Variants in SLC2A9 observed in about 807,000 individuals in gnomAD.
SLC2A9 encodes the protein solute carrier family 2 member 9, also known as solute carrier family 2, facilitated glucose transporter member 9.
In SLC2A9, 39 loss-of-function variants were observed where a neutral mutation model predicts 50.6. The observed-to-expected ratio is 0.77, with a 90% confidence interval of 0.60 to 1.01. The LOEUF (loss-of-function observed/expected upper bound fraction) is 1.01. SLC2A9 is among the 50% of genes least tolerant of loss of function. The probability of loss-of-function intolerance (pLI) is 0.00; values close to 1 mark genes in which losing one functional copy is unlikely to be tolerated. For missense variants in SLC2A9, 686 were observed against 677.6 expected, an observed-to-expected ratio of 1.01 and a Z score of -0.14; for synonymous variants, 324 against 276.9, an observed-to-expected ratio of 1.17 and a Z score of -1.69.
chr4:9,940,073 T>C (rs968705511), intron 6 of SLC2A9, among the ~76,000 whole-genome samples: 5 of 152,192 alleles, frequency 3.3e-5, no homozygotes, highest in African/African-American at 4.8e-5. Flanking sequence ...GCACTATTCA[T>C]TCCAACTGTA....
upstream of SLC2A9, among the ~76,000 whole-genome samples, chr4:10,024,290 CA>C (rs1189562422): frequency 6.6e-6 from 1 of 152,210 alleles, no homozygotes; most frequent in Non-Finnish European, 1.5e-5. Context: ...TGTGTCCCCT[CA>C]GATTCACATG....
intron 11 of SLC2A9, among the ~76,000 whole-genome samples, chr4:9,832,874 C>T (rs1285857627): frequency 1.3e-5 from 2 of 152,134 alleles, no homozygotes; most frequent in Non-Finnish European, 2.9e-5. Flanking sequence ...CATGTTGGTG[C>T]TGTTAATGCT....
chr4:9,905,481 A>T (rs1338649760), intron 8 of SLC2A9, among the ~76,000 whole-genome samples: 1 of 152,206 alleles, frequency 6.6e-6, no homozygotes, highest in African/African-American at 2.4e-5. Context: ...AGGCAGTGGC[A>T]GGAGTGCTCT....
chr4:10,018,804 A>ATTG (rs1224333639), intron 2 of SLC2A9, among the ~76,000 whole-genome samples, 171 bp downstream of exon 2: 1 of 151,042 alleles, frequency 6.6e-6, no homozygotes, highest in Non-Finnish European at 1.5e-5. Context: ...CCGTGTCATC[A>ATTG]TTGTCTGTCT....
At chr4:9,777,895 C>A (rs1040730975), downstream of SLC2A9, among the ~76,000 whole-genome samples, 2 of 152,158 alleles carry the variant, frequency 1.3e-5, no homozygotes, top group Non-Finnish European at 2.9e-5. Flanking sequence ...GCTGGCTTTG[C>A]AGGATGGAGA....
At chr4:9,780,944 T>G (rs926271016) in intron 3 of SLC2A9, among the ~76,000 whole-genome samples, 10 of 152,182 alleles carry the variant, frequency 6.6e-5, no homozygotes, top group African/African-American at 2.4e-4. Flanking sequence ...GGGGGCTCTC[T>G]TCCTCCTCTT....
intron 3 of SLC2A9, among the ~76,000 whole-genome samples, chr4:9,789,497 G>C (rs943306497): frequency 6.6e-6 from 1 of 152,192 alleles, no homozygotes; most frequent in Non-Finnish European, 1.5e-5. Flanking sequence ...GCAGTAGATG[G>C]ATAGAGTGGC....
In SLC2A9 at chr4:9,985,465, C is replaced by T. The variant is rs1387178636; in HGVS notation, c.535+204G>A. 2.0e-5 allele frequency among the ~76,000 whole-genome samples: 3 copies of T among 152,270 alleles called. 1 individual carries two copies. The Middle Eastern group carries it at 0.01, about 518-fold the overall frequency. On this transcript the variant is annotated intron_variant, in intron 4 of 11. Transcript: ENST00000264784. ...ACTGCGGACCCTGCCCAGCATTCCTCAATTAGGGGCTAGAGCATCATGAAT... is the reference window on the plus strand; with the variant it reads ...ACTGCGGACCCTGCCCAGCATTCCTTAATTAGGGGCTAGAGCATCATGAAT...
At chr4:9,865,287 C>T (rs937817043) in intron 10 of SLC2A9, among the ~76,000 whole-genome samples, 2 of 152,146 alleles carry the variant, frequency 1.3e-5, no homozygotes, top group East Asian at 3.8e-4. Context: ...CGGGAGAGCC[C>T]CCAACAACAA....
At chr4:9,960,732 G>C (rs1215195092) in intron 5 of SLC2A9, among the ~76,000 whole-genome samples, 1 of 152,194 alleles carries the variant, frequency 6.6e-6, no homozygotes, top group African/African-American at 2.4e-5. Context: ...GAGTGACATG[G>C]ATTGAGAGGG....
chr4:9,837,800 C>T (rs1247615811), intron 10 of SLC2A9, among the ~76,000 whole-genome samples: 1 of 152,142 alleles, frequency 6.6e-6, no homozygotes, highest in African/African-American at 2.4e-5. Flanking sequence ...CCTAAGCAAC[C>T]ATGAGGAGCC....
chr4:10,029,809 T>C (rs548105311), intron 1 of SLC2A9, among the ~76,000 whole-genome samples: 73 of 151,848 alleles, frequency 4.8e-4, no homozygotes, highest in African/African-American at 1.6e-3. Flanking sequence ...TTGTTTTTGT[T>C]TTTTTTAGTA....
At chr4:9,934,239 T>C (rs1376731328) in intron 6 of SLC2A9, among the ~76,000 whole-genome samples, 1 of 152,064 alleles carries the variant, frequency 6.6e-6, no homozygotes, top group African/African-American at 2.4e-5. Context: ...CAAAGCAAAA[T>C]TCACAGCTTT....
intron 10 of SLC2A9, 23 bp downstream of exon 10, chr4:9,887,544 G>A: frequency 6.5e-7 from 1 of 1,547,338 alleles, no homozygotes; most frequent in South Asian, 1.2e-5. Context: ...GGGCGGGGCA[G>A]TGGGGAGGGT....
At chr4:9,828,511 C>G (rs1486932724) in intron 11 of SLC2A9, among the ~76,000 whole-genome samples, 1 of 152,212 alleles carries the variant, frequency 6.6e-6, no homozygotes, top group East Asian at 1.9e-4. Flanking sequence ...GGCCACCGAC[C>G]ATGTGTCCCT....
chr4:9,857,536 G>C (rs61209374), intron 10 of SLC2A9, among the ~76,000 whole-genome samples: 17,539 of 152,234 alleles, frequency 0.12, 1,326 homozygotes, highest in East Asian at 0.25. Flanking sequence ...CCCTGGCAGA[G>C]GCTTTTGTTG....
intron 8 of SLC2A9, among the ~76,000 whole-genome samples, chr4:9,892,422 G>A (rs1305421084): frequency 1.3e-5 from 2 of 152,206 alleles, no homozygotes; most frequent in African/African-American, 2.4e-5. Context: ...AAGAAGGGCA[G>A]ACTCAAGCCT....
chr4:9,862,608 C>T (rs35629527), intron 10 of SLC2A9, among the ~76,000 whole-genome samples: 67,838 of 151,800 alleles, frequency 0.45, 18,955 homozygotes, highest in Non-Finnish European at 0.63. Flanking sequence ...GCCTTCCAAG[C>T]GAGTTCCTGC....
downstream of SLC2A9, among the ~76,000 whole-genome samples, chr4:9,776,079 G>T (rs1487010243): frequency 1.3e-5 from 2 of 152,100 alleles, no homozygotes; most frequent in Admixed American, 1.3e-4. Context: ...CGAGGGAAGG[G>T]ATCTGCTGGG....
Sources: gnomAD v4.1 joint callset for allele counts (sites outside exome capture counted in the v4.1 genomes callset) on GRCh38, gnomAD v4.1.1 for gene constraint, MANE v1.5 for transcripts, NCBI Gene and HGNC (gene_info 2026-07-23, HGNC 2026-07-21) for gene names.